CSMD3: variants seen among roughly 807,000 people sequenced by gnomAD.
CSMD3 encodes CUB and Sushi multiple domains 3.
Under a neutral mutation model 435.2 loss-of-function variants are expected in CSMD3, and 177 were observed. The observed-to-expected ratio is 0.41, with a 90% CI of 0.36 to 0.46. The LOEUF is 0.46. Ranked by LOEUF, CSMD3 falls within the 20% of genes least tolerant of loss-of-function variation. The pLI is 0.34. For missense variants in CSMD3, 4,265 were observed against 4,504.6 expected (o/e 0.95, Z 1.52); for synonymous variants, 1,656 against 1,520.5 (o/e 1.09, Z -2.07).
In CSMD3 at chr8:112,897,686, CTCTCTCTCTGTG is replaced by C. The variant is rs1477561938; in HGVS notation, c.1633+23929_1633+23940del. 1.0e-4 allele frequency among the ~76,000 whole-genome samples: 9 copies of C among 89,098 alleles called. No individual in the cohort carries two copies. In the East Asian group the frequency reaches 1.9e-3, roughly 19 times the overall value. The allele number at this position is 89,098 out of a possible 152,430, so 58.5% of individuals were successfully genotyped here. ...TATTTCTCTCTCTCTCTCTCTCTCT[CTCTCTCTCTGTG>C]TGTGTGTGTGTGTGTGTGTGTGTGT... is the stretch of plus-strand genomic sequence containing the variant. On this transcript the variant is annotated intron_variant, in intron 10 of 70. Coordinates refer to ENST00000297405, the MANE Select transcript of CSMD3 (RefSeq NM_198123.2).
intron 4 of CSMD3, among the ~76,000 whole-genome samples, chr8:113,172,250 C>A (rs539259959): frequency 1.3e-5 from 2 of 152,238 alleles, no homozygotes; most frequent in South Asian, 4.2e-4. Context: ...TGTTTACCAG[C>A]TGAGTAATCT....
At chr8:113,050,408 C>T (rs539615383) in intron 5 of CSMD3, among the ~76,000 whole-genome samples, 174 of 152,090 alleles carry the variant, frequency 1.1e-3, no homozygotes, top group African/African-American at 4.1e-3. Context: ...CAATTACCTA[C>T]AGAAATAAAT....
At chr8:113,040,133 G>T (rs1182220211) in intron 5 of CSMD3, among the ~76,000 whole-genome samples, 1 of 152,128 alleles carries the variant, frequency 6.6e-6, no homozygotes, top group Non-Finnish European at 1.5e-5. Flanking sequence ...GGTCCTATTA[G>T]CAGAGTTATG....
chr8:113,260,100 C>T (rs1447888868), intron 3 of CSMD3, among the ~76,000 whole-genome samples: 3 of 152,136 alleles, frequency 2.0e-5, no homozygotes, highest in African/African-American at 7.2e-5. Flanking sequence ...GTTTCCAGAG[C>T]CCTCCCTAGC....
chr8:112,969,488 C>T (rs1052597446), intron 7 of CSMD3, among the ~76,000 whole-genome samples: 5 of 151,842 alleles, frequency 3.3e-5, no homozygotes, highest in Non-Finnish European at 7.4e-5. Context: ...ACTTTATTAA[C>T]CAAAGTAATA....
At chr8:112,942,732 G>A (rs551150015) in intron 9 of CSMD3, among the ~76,000 whole-genome samples, 2 of 151,616 alleles carry the variant, frequency 1.3e-5, no homozygotes, top group Non-Finnish European at 3.0e-5. Context: ...TGAGAGGAGG[G>A]TGAGGATCAG....
At chr8:112,310,415 G>A (rs1586732476) in intron 50 of CSMD3, 1 of 153,858 alleles carries the variant, frequency 6.5e-6, no homozygotes, top group African/African-American at 2.4e-5. Context: ...TATTCTTTTT[G>A]CAGCATGATA....
intron 1 of CSMD3, among the ~76,000 whole-genome samples, chr8:113,346,496 T>C (rs551258954): frequency 3.9e-5 from 6 of 152,134 alleles, no homozygotes; most frequent in African/African-American, 1.4e-4. Context: ...AAAAACTAGC[T>C]GACAAGTGCC....
chr8:113,114,327 G>A (rs186417636), intron 4 of CSMD3, among the ~76,000 whole-genome samples: 1 of 152,198 alleles, frequency 6.6e-6, no homozygotes, highest in Admixed American at 6.5e-5. Context: ...GCAGAAAAAT[G>A]AATAGAAATG....
At chr8:112,505,798 A>T (rs1427953298) in intron 29 of CSMD3, among the ~76,000 whole-genome samples, 1 of 152,122 alleles carries the variant, frequency 6.6e-6, no homozygotes, top group Non-Finnish European at 1.5e-5. Flanking sequence ...GGAAGAGATT[A>T]TGCTTTTCAT....
At chr8:113,263,012 GATTT>G (rs1333427825) in intron 3 of CSMD3, among the ~76,000 whole-genome samples, 1 of 151,992 alleles carries the variant, frequency 6.6e-6, no homozygotes, top group Non-Finnish European at 1.5e-5. Context: ...ATTTTTTAAA[GATTT>G]ATTTTAATAT....
chr8:112,710,509 C>T lies in CSMD3; in HGVS notation c.1973-20459G>A, dbSNP rs533838687. Reference sequence around the variant, plus strand: ...TATGTTTTTAATCACATTAACCCAACGCCAGTCACATATAGAAATTACAAC... The same window carrying T: ...TATGTTTTTAATCACATTAACCCAATGCCAGTCACATATAGAAATTACAAC... On this transcript the variant is annotated intron_variant, in intron 13 of 70. Transcript: ENST00000297405. Among the ~76,000 whole-genome samples, 15 of 152,106 alleles carry T rather than the reference C, an allele frequency of 9.9e-5. No homozygotes were observed. The East Asian group carries it at 1.5e-3, about 16-fold the overall frequency.
chr8:112,838,068 C>G (rs911206015), intron 11 of CSMD3, among the ~76,000 whole-genome samples: 1 of 151,496 alleles, frequency 6.6e-6, no homozygotes, highest in Non-Finnish European at 1.5e-5. Context: ...GATATAGACA[C>G]ACTGGGTTAT....
chr8:112,624,907 T>C (rs1207964994), intron 22 of CSMD3, among the ~76,000 whole-genome samples: 1 of 152,066 alleles, frequency 6.6e-6, no homozygotes, highest in African/African-American at 2.4e-5. Context: ...TAATCTTTAT[T>C]CCTGCTTGTT....
At chr8:112,601,416 C>A (rs181039221) in intron 22 of CSMD3, among the ~76,000 whole-genome samples, 1 of 152,022 alleles carries the variant, frequency 6.6e-6, no homozygotes, top group African/African-American at 2.4e-5. Context: ...ACACTCAACC[C>A]CTTCATGATA....
At position 112,398,058 on chromosome 8, in the gene CSMD3, G is replaced by A. The variant is rs111965785; in HGVS notation, c.5810-7270C>T. On this transcript the variant is annotated intron_variant, in intron 35 of 70. Coordinates refer to ENST00000297405, the MANE Select transcript of CSMD3 (RefSeq NM_198123.2). Reference sequence around the variant, plus strand: ...ATCTACTTTCAAAACACAATGATGAGACAGGCACGGGACAGATATTTCCAT... The same window carrying A: ...ATCTACTTTCAAAACACAATGATGAAACAGGCACGGGACAGATATTTCCAT... Among the ~76,000 whole-genome samples, 575 of 152,286 alleles carry A rather than the reference G, an allele frequency of 3.8e-3. 2 individuals carry two copies. Among genetic ancestry groups the A allele is most frequent in the Middle Eastern group, 6.8e-3 (2 of 294 alleles).
intron 31 of CSMD3, among the ~76,000 whole-genome samples, chr8:112,473,632 T>C (rs973976388): frequency 2.0e-5 from 3 of 151,578 alleles, no homozygotes; most frequent in South Asian, 2.1e-4. Flanking sequence ...AAGTGATTAA[T>C]AAATGCAAAA....
chr8:112,518,653 A>AGC (rs1823952987), intron 27 of CSMD3, among the ~76,000 whole-genome samples: 1 of 150,874 alleles, frequency 6.6e-6, no homozygotes, highest in Non-Finnish European at 1.5e-5. Flanking sequence ...AGAGAGAGAG[A>AGC]GAGGGAAACT....
chr8:112,887,913 A>G (rs1244530926), intron 10 of CSMD3, among the ~76,000 whole-genome samples: 1 of 151,718 alleles, frequency 6.6e-6, no homozygotes, highest in Non-Finnish European at 1.5e-5. Context: ...AAAAATGTTT[A>G]CATAATGCCT....
Sources: allele counts gnomAD v4.1 joint callset (sites outside exome capture counted in the v4.1 genomes callset), GRCh38; gene constraint gnomAD v4.1.1; transcripts MANE v1.5; gene names NCBI Gene and HGNC (gene_info 2026-07-23, HGNC 2026-07-21).